The following B3GALT1 variants were observed in gnomAD, a reference collection of about 807,000 sequenced individuals.
B3GALT1 encodes UDP-Gal:betaGlcNAc beta 1,3-galactosyltransferase, polypeptide 1.
A neutral mutation model predicts 23.2 loss-of-function variants in B3GALT1; 10 were observed. The ratio of observed to expected loss-of-function variants is 0.43; its 90% CI spans 0.27 to 0.73. B3GALT1 has a LOEUF of 0.73. Among genes scored for constraint, B3GALT1 ranks in the 30% least tolerant of loss-of-function variants. B3GALT1 has a pLI of 0.21. For synonymous variants in B3GALT1, 156 were observed against 141.5 expected (o/e 1.10, Z -0.73); for missense variants, 299 against 405.4 (o/e 0.74, Z 2.25).
chr2:167,516,835 T>G (rs759941845), intron 2 of B3GALT1, among the ~76,000 whole-genome samples: 12 of 151,920 alleles, frequency 7.9e-5, no homozygotes, highest in Non-Finnish European at 1.6e-4. Context: ...TTAGCATTCC[T>G]TTGTCTCTCT....
rs1238944321 is a variant in B3GALT1 at position 167,871,607 on chromosome 2, C to T, written c.*1587C>T. 6.6e-6 allele frequency: 1 copy of T among 152,188 alleles called. No homozygotes were observed. Among genetic ancestry groups the T allele is most frequent in the Non-Finnish European group, 1.5e-5 (1 of 68,028 alleles). 9.4% of individuals were successfully genotyped at this position (152,188 alleles called of 1,614,324 possible). On this transcript the variant is annotated 3_prime_UTR_variant, in exon 5 of 5. Coordinates refer to ENST00000392690, the MANE Select transcript of B3GALT1 (RefSeq NM_020981.4). ...CCCAAGGTGCTGAAAGTAGAGGCAG[C>T]TGCCTTTCTTTGGGAAGGAACCTCT...
At chr2:167,552,102 A>G (rs1683758459) in intron 2 of B3GALT1, among the ~76,000 whole-genome samples, 1 of 152,188 alleles carries the variant, frequency 6.6e-6, no homozygotes, top group African/African-American at 2.4e-5. Flanking sequence ...TTTGCTTGCA[A>G]TGGAAAATTC....
At chr2:167,378,068 C>T (rs1023492412) in intron 1 of B3GALT1, among the ~76,000 whole-genome samples, 1 of 152,120 alleles carries the variant, frequency 6.6e-6, no homozygotes, top group Admixed American at 6.5e-5. Flanking sequence ...TTTATTTCTC[C>T]TTCACTTATG....
At chr2:167,840,778 A>G (rs1289361087) in intron 4 of B3GALT1, among the ~76,000 whole-genome samples, 2 of 148,404 alleles carry the variant, frequency 1.3e-5, no homozygotes. Flanking sequence ...AACCAACCCA[A>G]ATGTCCAACA....
Position 167,378,521 on chromosome 2 carries a change from A to G in B3GALT1, c.-511+85187A>G, listed in dbSNP as rs1268442974. Among the ~76,000 whole-genome samples the G allele has an allele frequency of 2.6e-5, 4 of 151,994 alleles. No individual in the cohort carries two copies. In the East Asian group the frequency reaches 7.7e-4, roughly 29 times the overall value. Reference sequence around the variant, plus strand: ...TCTTAAAGGCCTTGTTTATTTTTTAAAATTCCTTTTTTTTTATTTTTGTCT... The same window carrying G: ...TCTTAAAGGCCTTGTTTATTTTTTAGAATTCCTTTTTTTTTATTTTTGTCT... On this transcript the variant is annotated intron_variant, in intron 1 of 4. Transcript: ENST00000392690.
chr2:167,429,116 A>G lies in B3GALT1; in HGVS notation c.-510-61061A>G, dbSNP rs967855242. Among the ~76,000 whole-genome samples, 5 of 151,742 alleles carry G rather than the reference A, an allele frequency of 3.3e-5. No individual in the cohort carries two copies. In the East Asian group the frequency reaches 9.7e-4, roughly 29 times the overall value. On this transcript the variant is annotated intron_variant, in intron 1 of 4. Coordinates refer to ENST00000392690, the MANE Select transcript of B3GALT1 (RefSeq NM_020981.4). ...AACACGGTGAAACCCCGTCTCTACT[A>G]AAAATACAAAAAAAATTAGCCGGGC...
At chr2:167,598,025 C>A (rs1333459179) in intron 2 of B3GALT1, among the ~76,000 whole-genome samples, 1 of 152,122 alleles carries the variant, frequency 6.6e-6, no homozygotes, top group Non-Finnish European at 1.5e-5. Context: ...ACTTACCAAT[C>A]TGAGGACAGC....
At chr2:167,716,827 C>CT (rs1687153149) in intron 3 of B3GALT1, among the ~76,000 whole-genome samples, 1 of 152,000 alleles carries the variant, frequency 6.6e-6, no homozygotes, top group Non-Finnish European at 1.5e-5. Context: ...AGTGTATCTT[C>CT]TTTTTTATAG....
intron 3 of B3GALT1, among the ~76,000 whole-genome samples, chr2:167,792,899 G>C (rs1688469325): frequency 6.6e-6 from 1 of 150,572 alleles, no homozygotes; most frequent in Admixed American, 6.6e-5. Context: ...CAAATGGATA[G>C]GATTGGGGAG....
Position 167,446,124 on chromosome 2 carries a change from A to G in B3GALT1, c.-510-44053A>G, listed in dbSNP as rs138694808. 6.0e-4 allele frequency among the ~76,000 whole-genome samples: 91 copies of G among 152,248 alleles called. No individual in the cohort carries two copies. The East Asian group carries it at 0.016, about 27-fold the overall frequency. ...ATTCTATTTCTCCTTCACTTATGAA[A>G]CTTAGTTTGGCTGGATATGAAATTC... On this transcript the variant is annotated intron_variant, in intron 1 of 4. Transcript: ENST00000392690.
intron 3 of B3GALT1, among the ~76,000 whole-genome samples, chr2:167,701,498 C>T (rs1356985151): frequency 6.6e-6 from 1 of 152,120 alleles, no homozygotes; most frequent in Non-Finnish European, 1.5e-5. Context: ...GTAAAGTTTA[C>T]TCTCTAAGTG....
intron 1 of B3GALT1, among the ~76,000 whole-genome samples, chr2:167,441,868 TTTTTAA>T (rs201775157): frequency 0.017 from 2,579 of 151,894 alleles, 78 homozygotes; most frequent in African/African-American, 0.06. Flanking sequence ...TGTTTTTTTT[TTTTTAA>T]TTTAATTTAT....
At chr2:167,569,104 C>T (rs1296801195) in intron 2 of B3GALT1, among the ~76,000 whole-genome samples, 1 of 151,760 alleles carries the variant, frequency 6.6e-6, no homozygotes, top group African/African-American at 2.4e-5. Context: ...TTACTAATAC[C>T]ACATTATCTT....
chr2:167,551,596 A>T (rs1683747307), intron 2 of B3GALT1, among the ~76,000 whole-genome samples: 1 of 152,222 alleles, frequency 6.6e-6, no homozygotes, highest in African/African-American at 2.4e-5. Context: ...ATCAGCCAAC[A>T]GCCTGCTCTC....
intron 1 of B3GALT1, among the ~76,000 whole-genome samples, chr2:167,438,326 A>G (rs190386862): frequency 6.6e-6 from 1 of 152,320 alleles, no homozygotes. Flanking sequence ...CACACTGTTG[A>G]TTAGTGCCTG....
At chr2:167,736,869 G>A (rs1013764820) in intron 3 of B3GALT1, among the ~76,000 whole-genome samples, 1 of 152,144 alleles carries the variant, frequency 6.6e-6, no homozygotes, top group African/African-American at 2.4e-5. Context: ...GGGAGGCGGA[G>A]GTTGCAGTGA....
chr2:167,842,485 G>A (rs1689670481), intron 4 of B3GALT1, among the ~76,000 whole-genome samples: 1 of 152,156 alleles, frequency 6.6e-6, no homozygotes, highest in Non-Finnish European at 1.5e-5. Flanking sequence ...CCTGCACTTA[G>A]TAAAGACAAT....
intron 1 of B3GALT1, among the ~76,000 whole-genome samples, chr2:167,439,604 G>A (rs1698845310): frequency 6.6e-6 from 1 of 151,854 alleles, no homozygotes; most frequent in Non-Finnish European, 1.5e-5. Context: ...TGCACAATGT[G>A]CAGGTTAGTT....
chr2:167,415,532 G>T (rs562005620), intron 1 of B3GALT1, among the ~76,000 whole-genome samples: 4 of 152,330 alleles, frequency 2.6e-5, no homozygotes, highest in African/African-American at 9.6e-5. Flanking sequence ...ACGTAAAAAT[G>T]CAGAAGCAGC....
Sources: gnomAD v4.1 joint callset for allele counts (sites outside exome capture counted in the v4.1 genomes callset) on GRCh38, gnomAD v4.1.1 for gene constraint, MANE v1.5 for transcripts, NCBI Gene and HGNC (gene_info 2026-07-23, HGNC 2026-07-21) for gene names.